Variants in HEPHL1 observed in about 807,000 individuals in gnomAD.
HEPHL1 encodes hephaestin like 1, also known as ferroxidase HEPHL1.
A neutral mutation model predicts 122.0 loss-of-function variants in HEPHL1; 123 were observed. The observed-to-expected ratio is 1.01, with a 90% CI of 0.87 to 1.17. The LOEUF is 1.17. Ranked by LOEUF, HEPHL1 falls within the 50% of genes most tolerant of loss-of-function variation. HEPHL1 has a pLI of 0.00. For missense variants in HEPHL1, 1,452 were observed against 1,430.5 expected (o/e 1.01, Z -0.24); for synonymous variants, 527 against 508.9 (o/e 1.04, Z -0.48).
intron 2 of HEPHL1, among the ~76,000 whole-genome samples, chr11:94,049,295 A>G (rs1207455493): frequency 1.5e-5 from 2 of 137,398 alleles, no homozygotes; most frequent in Non-Finnish European, 3.1e-5. Flanking sequence ...TAAAATGGCT[A>G]TTATCAAAAA....
intron 1 of HEPHL1, among the ~76,000 whole-genome samples, chr11:94,035,909 T>C (rs1048400017): frequency 2.6e-5 from 4 of 152,194 alleles, no homozygotes; most frequent in African/African-American, 9.7e-5. Flanking sequence ...GCTAATTTTT[T>C]GTATTTTTAG....
intron 2 of HEPHL1, among the ~76,000 whole-genome samples, chr11:94,062,642 C>CT (rs201296858): frequency 1.6e-3 from 235 of 143,464 alleles, no homozygotes; most frequent in Non-Finnish European, 2.0e-3. Flanking sequence ...TACCATCCAG[C>CT]TTTTTTTTTT....
In HEPHL1 at chr11:94,072,928, G is replaced by A. The variant is rs1454351835; in HGVS notation, c.1233-97G>A. Reference sequence around the variant, plus strand: ...CTGTCTTTTCTGGGGACATGGGTGGGCGAGTGGACTAAAAGTGATAGAATG... The same window carrying A: ...CTGTCTTTTCTGGGGACATGGGTGGACGAGTGGACTAAAAGTGATAGAATG... On this transcript the variant is annotated intron_variant, in intron 6 of 19. Transcript: ENST00000315765. The A allele has an allele frequency of 2.1e-5, 24 of 1,127,152 alleles. 1 individual carries two copies. The highest frequency in any genetic ancestry group is 3.1e-5 in the Non-Finnish European group (24 of 781,334). The allele number at this position is 1,127,152 out of a possible 1,614,324, so 69.8% of individuals were successfully genotyped here. A position where few individuals can be genotyped will look rare whatever the true frequency, so the allele number is the denominator to read the frequency against.
At chr11:94,037,481 T>C (rs1327207811) in intron 1 of HEPHL1, among the ~76,000 whole-genome samples, 1 of 152,110 alleles carries the variant, frequency 6.6e-6, no homozygotes, top group African/African-American at 2.4e-5. Context: ...CTGACAGCTT[T>C]GAAGAGAGCA....
intron 1 of HEPHL1, among the ~76,000 whole-genome samples, chr11:94,024,530 C>T (rs545211407): frequency 1.1e-4 from 16 of 152,252 alleles, no homozygotes; most frequent in African/African-American, 2.4e-4. Context: ...TGGGACTGAT[C>T]GTGGGCATAT....
intron 1 of HEPHL1, among the ~76,000 whole-genome samples, chr11:94,034,300 C>T (rs1945702204): frequency 6.6e-6 from 1 of 152,096 alleles, no homozygotes; most frequent in Non-Finnish European, 1.5e-5. Context: ...CCAGGCTGCT[C>T]AATATGTTGA....
At chr11:94,024,273 T>C (rs1945605667) in intron 1 of HEPHL1, among the ~76,000 whole-genome samples, 1 of 152,232 alleles carries the variant, frequency 6.6e-6, no homozygotes, top group Admixed American at 6.5e-5. Flanking sequence ...ACTTGCTGTG[T>C]AATCTTGAAC....
chr11:94,073,024 G>A lies in HEPHL1; in HGVS notation c.1233-1G>A. ...TCAATCACATTCCTATGTCTTTTCA[G>A]TGACTCTGATCTCTACTTCACACAA... is the stretch of plus-strand genomic sequence containing the variant. On this transcript the variant is annotated splice_acceptor_variant, in intron 6 of 19. Transcript: ENST00000315765. LOFTEE classifies it high-confidence loss of function. 1.2e-6 allele frequency: 2 copies of A among 1,611,790 alleles called. No homozygotes were observed.
chr11:94,048,081 A>G (rs1945856349), intron 2 of HEPHL1, among the ~76,000 whole-genome samples: 1 of 152,042 alleles, frequency 6.6e-6, no homozygotes, highest in Non-Finnish European at 1.5e-5. Context: ...TTCTATGTCT[A>G]TGAATGTGCC....
chr11:94,025,415 C>A (rs1335512964), intron 1 of HEPHL1, among the ~76,000 whole-genome samples: 2 of 152,072 alleles, frequency 1.3e-5, no homozygotes, highest in Non-Finnish European at 1.5e-5. Context: ...GTGGTAAAGC[C>A]TGATCCTTAA....
At chr11:94,094,770 T>C (rs4348853) in intron 13 of HEPHL1, among the ~76,000 whole-genome samples, 71,413 of 152,108 alleles carry the variant, frequency 0.47, 18,196 homozygotes, top group Admixed American at 0.57. Context: ...CATTTTTTCA[T>C]GTGTCTGTTG....
At chr11:94,033,319 G>A (rs951919911) in intron 1 of HEPHL1, among the ~76,000 whole-genome samples, 14 of 152,194 alleles carry the variant, frequency 9.2e-5, no homozygotes, top group African/African-American at 3.1e-4. Flanking sequence ...AAGGTCATAT[G>A]TTGAATTTCT....
At position 94,101,334 on chromosome 11, in the gene HEPHL1, A is replaced by G. The variant is rs755193558; in HGVS notation, c.2574A>G (p.Pro858=). The change falls in exon 14 of 20, where the codon CCA becomes CCG. Residue 858 remains proline, a splice_region_variant and synonymous_variant. Transcript: ENST00000315765. ...GKQFQVPMTK[P]GEVKTYRWNI... ...AATTCCAAGTGCCCATGACAAAACC[A>G]GGTAAGTTGTGTCAGAGGTCTGCTC... 3.7e-6 allele frequency: 6 copies of G among 1,611,408 alleles called. No homozygotes were observed.
chr11:94,031,648 C>G (rs1235438774), intron 1 of HEPHL1, among the ~76,000 whole-genome samples: 1 of 152,196 alleles, frequency 6.6e-6, no homozygotes, highest in Non-Finnish European at 1.5e-5. Context: ...GGACAGAGAA[C>G]ATTGCTGCCT....
At chr11:94,068,526 C>T (rs975538863) in intron 5 of HEPHL1, among the ~76,000 whole-genome samples, 2 of 152,142 alleles carry the variant, frequency 1.3e-5, no homozygotes, top group Non-Finnish European at 2.9e-5. Context: ...ACACTATGTC[C>T]TTTCTTAGCT....
At chr11:94,039,216 T>A (rs1945752073) in intron 1 of HEPHL1, among the ~76,000 whole-genome samples, 1 of 131,486 alleles carries the variant, frequency 7.6e-6, no homozygotes. Context: ...CCCAGATTCA[T>A]AAAGCAAGTC....
rs772108816 is a variant in HEPHL1 at position 94,101,211 on chromosome 11, T to C, written c.2451T>C (p.Ala817=). 4 of 1,613,856 alleles carry C rather than the reference T, an allele frequency of 2.5e-6. No homozygotes were observed. The African/African-American group carries it at 4.0e-5, about 16-fold the overall frequency. The change falls in exon 14 of 20, where the codon GCT becomes GCC. Residue 817 remains alanine, a synonymous_variant. Transcript: ENST00000315765. ...HLELLGPMIH[A]EVGNTVLIIF... The stretch of plus-strand genomic sequence containing the variant: ...TGCCTTTAGGCCCAATGATTCATGC[T>C]GAGGTGGGCAACACCGTCCTGATCA...
intron 7 of HEPHL1, 69 bp downstream of exon 7, chr11:94,073,233 AGAAT>A (rs1946092396): frequency 6.2e-7 from 1 of 1,608,064 alleles, no homozygotes; most frequent in African/African-American, 1.3e-5. Flanking sequence ...ACATCTGCAC[AGAAT>A]GACTCTTCTG....
At chr11:94,087,053 G>A (rs1272285804) in intron 11 of HEPHL1, among the ~76,000 whole-genome samples, 1 of 152,062 alleles carries the variant, frequency 6.6e-6, no homozygotes, top group African/African-American at 2.4e-5. Context: ...TTGAGGCTTG[G>A]GCTTCAAAAT....
Sources: allele counts gnomAD v4.1 joint callset (sites outside exome capture counted in the v4.1 genomes callset), GRCh38; gene constraint gnomAD v4.1.1; transcripts MANE v1.5; gene names NCBI Gene and HGNC (gene_info 2026-07-23, HGNC 2026-07-21).